The following CNOT6L variants were observed in gnomAD, a reference collection of about 807,000 sequenced individuals.
CNOT6L encodes CCR4-NOT transcription complex subunit 6 like.
CNOT6L carries 7 observed loss-of-function variants against 64.0 expected under a neutral mutation model. The ratio of observed to expected loss-of-function variants is 0.11; its 90% confidence interval spans 0.06 to 0.21. The LOEUF (loss-of-function observed/expected upper bound fraction) is 0.21. Ranked by LOEUF, CNOT6L falls within the 10% of genes least tolerant of loss-of-function variation. CNOT6L has a pLI of 1.00. For missense variants in CNOT6L, 245 were observed against 669.0 expected, an observed-to-expected ratio of 0.37 and a Z score of 6.99; for synonymous variants, 193 against 243.4, an observed-to-expected ratio of 0.79 and a Z score of 1.93.
At position 77,720,576 on chromosome 4, in the gene CNOT6L, T is replaced by G. The variant is rs767716620; in HGVS notation, c.1523A>C (p.Asp508Ala). 3.7e-6 allele frequency: 6 copies of G among 1,613,312 alleles called. No individual in the cohort carries two copies. The highest frequency in any genetic ancestry group is 5.1e-6 in the Non-Finnish European group (6 of 1,179,452). The change falls in exon 12 of 12, where the codon GAT (aspartate) becomes GCT (alanine). Residue 508 changes from aspartate (D) to alanine (A), a missense_variant. This residue lies in a region of CNOT6L where 20 missense variants were observed against 26.4 expected (regional missense o/e 0.76). Coordinates refer to ENST00000504123, the MANE Select transcript of CNOT6L (RefSeq NM_144571.3). ...MNVLGVLGPL[D>A]PQWLVENNIT... The stretch of plus-strand genomic sequence containing the variant: ...GTTGTTCTCAACCAGCCATTGAGGA[T>G]CTAAAGGCCCCAGGACACCAAGCAC...
chr4:77,718,077 AGTT>A lies in CNOT6L; in HGVS notation c.*2351_*2353del, dbSNP rs889433556. On this transcript the variant is annotated 3_prime_UTR_variant, in exon 12 of 12. Transcript: ENST00000504123. ...TCCCTCTACATTTAACTATTAAAAA[AGTT>A]TTTTATTAATAAATGGGCTCCTCTG... is the stretch of plus-strand genomic sequence containing the variant. 1.3e-5 allele frequency: 2 copies of A among 152,542 alleles called. No individual in the cohort carries two copies. Among genetic ancestry groups the A allele is most frequent in the African/African-American group, 4.8e-5 (2 of 41,424 alleles). 9.4% of individuals were successfully genotyped at this position (152,542 alleles called of 1,614,324 possible).
chr4:77,767,062 CAAA>C (rs56926683), intron 4 of CNOT6L, among the ~76,000 whole-genome samples: 4 of 25,960 alleles, frequency 1.5e-4, no homozygotes, highest in South Asian at 2.1e-3. Flanking sequence ...AACTCCGTCT[CAAA>C]AAAAAAAAAA....
intron 5 of CNOT6L, among the ~76,000 whole-genome samples, chr4:77,754,911 A>AAAAAAAAAAAAAAAAAC (rs1725334434): frequency 6.9e-6 from 1 of 144,378 alleles, no homozygotes; most frequent in Non-Finnish European, 1.5e-5. Context: ...AAAAAAAAAA[A>AAAAAAAAAAAAAAAAAC]AACCGGTTTC....
chr4:77,797,102 CAAAAAAAAAA>C (rs386400560), intron 1 of CNOT6L, among the ~76,000 whole-genome samples: 7 of 52,984 alleles, frequency 1.3e-4, no homozygotes, highest in South Asian at 1.2e-3. Flanking sequence ...GACCTTGTCT[CAAAAAAAAAA>C]AAAAAAAAAA....
At chr4:77,766,657 T>C (rs188518491) in intron 4 of CNOT6L, among the ~76,000 whole-genome samples, 152 of 150,844 alleles carry the variant, frequency 1.0e-3, no homozygotes, top group African/African-American at 3.6e-3. Context: ...AGGCTCACTA[T>C]AAGATTAATT....
chr4:77,801,016 G>A (rs1731474318), intron 1 of CNOT6L, among the ~76,000 whole-genome samples: 1 of 152,120 alleles, frequency 6.6e-6, no homozygotes, highest in Non-Finnish European at 1.5e-5. Context: ...CCAAGAAGGT[G>A]GTGCTTTGTA....
chr4:77,733,892 C>T (rs751837364), intron 8 of CNOT6L, among the ~76,000 whole-genome samples: 1 of 152,104 alleles, frequency 6.6e-6, no homozygotes. Flanking sequence ...CGATCAGTTA[C>T]ACTTACATGA....
At chr4:77,771,446 G>A (rs1464525388) in intron 4 of CNOT6L, among the ~76,000 whole-genome samples, 2 of 152,178 alleles carry the variant, frequency 1.3e-5, no homozygotes, top group Non-Finnish European at 2.9e-5. Flanking sequence ...CTAGCTGAAT[G>A]GCTATTTCAG....
rs924810350 is a variant in CNOT6L, at chr4:77,715,363, TAAC to T, written c.*5065_*5067del. ...TATACAATGTACCATAAAAAAAAATTAACAATTAATAAGCACAAATGTCCTTAT... is the reference window on the plus strand; with the variant it reads ...TATACAATGTACCATAAAAAAAAATTAATTAATAAGCACAAATGTCCTTAT... On this transcript the variant is annotated 3_prime_UTR_variant, in exon 12 of 12. Coordinates refer to ENST00000504123, the MANE Select transcript of CNOT6L (RefSeq NM_144571.3). The T allele has an allele frequency of 2.0e-5, 3 of 152,086 alleles. No homozygotes were observed. The highest frequency in any genetic ancestry group is 4.8e-5 in the African/African-American group (2 of 41,434). 9.4% of individuals were successfully genotyped at this position (152,086 alleles called of 1,614,324 possible).
intron 1 of CNOT6L, among the ~76,000 whole-genome samples, chr4:77,802,292 G>C (rs1447041686): frequency 6.6e-6 from 1 of 152,128 alleles, no homozygotes; most frequent in Admixed American, 6.5e-5. Flanking sequence ...ACAATAAGAA[G>C]AGTAGAGTTA....
chr4:77,763,498 A>G (rs1245608090), intron 4 of CNOT6L, among the ~76,000 whole-genome samples: 1 of 152,142 alleles, frequency 6.6e-6, no homozygotes, highest in Non-Finnish European at 1.5e-5. Flanking sequence ...AATAAAATAA[A>G]CCCAAGATAT....
intron 1 of CNOT6L, among the ~76,000 whole-genome samples, chr4:77,797,340 A>T (rs897334941): frequency 3.3e-5 from 5 of 152,098 alleles, no homozygotes; most frequent in African/African-American, 1.2e-4. Context: ...TAAATGGAAA[A>T]TTCCAGAAAT....
chr4:77,770,777 A>C (rs140540493), intron 4 of CNOT6L, among the ~76,000 whole-genome samples: 192 of 152,350 alleles, frequency 1.3e-3, no homozygotes, highest in African/African-American at 4.4e-3. Context: ...TCAGTAGACA[A>C]AATGCCACTA....
chr4:77,724,333 CT>C (rs1306798399), intron 11 of CNOT6L, among the ~76,000 whole-genome samples: 1 of 141,704 alleles, frequency 7.1e-6, no homozygotes, highest in African/African-American at 2.6e-5. Flanking sequence ...GAGTGAGACC[CT>C]GTCTCAAAAA....
intron 1 of CNOT6L, among the ~76,000 whole-genome samples, chr4:77,795,077 T>A (rs1396028326): frequency 6.8e-6 from 1 of 146,970 alleles, no homozygotes; most frequent in African/African-American, 2.5e-5. Context: ...TGGAGTGCAA[T>A]GGCACCATCT....
chr4:77,728,922 C>T lies in CNOT6L; in HGVS notation c.1184G>A (p.Ser395Asn). The T allele has an allele frequency of 1.2e-6, 2 of 1,613,832 alleles. No homozygotes were observed. Among genetic ancestry groups the T allele is most frequent in the Non-Finnish European group, 1.7e-6 (2 of 1,179,756 alleles). The change falls in exon 10 of 12, where the codon AGC becomes AAC. Residue 395 changes from serine to asparagine, a missense_variant. By Grantham distance (46) the Ser-to-Asn change is conservative. Coordinates refer to ENST00000504123, the MANE Select transcript of CNOT6L (RefSeq NM_144571.3). ...GATGGAATTAGGATCTGCAGTTGGG[C>T]TTCCAGGCCTACTAGAGGCTTTCTC... The part of the protein sequence containing the change: ...ILEKASSRPG[S>N]PTADPNSIPL...
chr4:77,745,427 G>C (rs551846907), intron 6 of CNOT6L, among the ~76,000 whole-genome samples: 1 of 152,276 alleles, frequency 6.6e-6, no homozygotes, highest in Non-Finnish European at 1.5e-5. Flanking sequence ...AAAAGACTGT[G>C]AGCAAACTAA....
At position 77,755,277 on chromosome 4, in the gene CNOT6L, G is replaced by C. The variant is rs960929223; in HGVS notation, c.490+1585C>G. ...TTTTTTTGAGACGGAGTCTCGCTCT[G>C]TCGCCCAGGCTGGAGTGCAGTGGCG... On this transcript the variant is annotated intron_variant, in intron 5 of 11. Coordinates refer to ENST00000504123, the MANE Select transcript of CNOT6L (RefSeq NM_144571.3). Among the ~76,000 whole-genome samples, 8 of 127,488 alleles carry C rather than the reference G, an allele frequency of 6.3e-5. No homozygotes were observed. In the Admixed American group the frequency reaches 6.8e-4, roughly 11 times the overall value. The allele number at this position is 127,488 out of a possible 152,430, so 83.6% of individuals were successfully genotyped here. A position where few individuals can be genotyped will look rare whatever the true frequency, so the allele number is the denominator to read the frequency against.
At chr4:77,768,029 C>T (rs1727062706) in intron 4 of CNOT6L, among the ~76,000 whole-genome samples, 1 of 147,200 alleles carries the variant, frequency 6.8e-6, no homozygotes, top group African/African-American at 2.5e-5. Context: ...AAAGAATTAA[C>T]TGCGAAGAGC....
Sources: allele counts gnomAD v4.1 joint callset (sites outside exome capture counted in the v4.1 genomes callset), GRCh38; gene constraint gnomAD v4.1.1; regional missense constraint gnomAD v4.1.1; transcripts MANE v1.5; gene names NCBI Gene and HGNC (gene_info 2026-07-23, HGNC 2026-07-21).